The following TRPM6 variants were observed in gnomAD, a reference collection of about 807,000 sequenced individuals.
The protein encoded by TRPM6 is transient receptor potential cation channel subfamily M member 6.
In TRPM6, 111 loss-of-function variants were observed where a neutral mutation model predicts 247.6. The ratio of observed to expected loss-of-function variants is 0.45; its 90% confidence interval spans 0.38 to 0.52. TRPM6 has a LOEUF of 0.52. TRPM6 is among the 20% of genes least tolerant of loss of function. The pLI is 0.00. For synonymous variants in TRPM6, 892 were observed against 853.8 expected (o/e 1.04, Z -0.78); for missense variants, 2,126 against 2,421.5 (o/e 0.88, Z 2.56).
At position 74,796,794 on chromosome 9, in the gene TRPM6, T is replaced by C. The variant is rs767762941; in HGVS notation, c.2338A>G (p.Met780Val). The C allele has an allele frequency of 1.2e-6, 2 of 1,614,074 alleles. No individual in the cohort carries two copies. Among genetic ancestry groups the C allele is most frequent in the South Asian group, 1.1e-5 (1 of 91,086 alleles). Reference sequence around the variant, plus strand: ...GCGTTCTGGTCACTGTAATACCACATAAATTGGAAGTCCTGGGACTGGGGA... The same window carrying C: ...GCGTTCTGGTCACTGTAATACCACACAAATTGGAAGTCCTGGGACTGGGGA... ...HVPQSQDFQF[M>V]WYYSDQNASS... Residue 780 changes from methionine to valine, a missense_variant, in exon 18 of 39, where the codon ATG (methionine) becomes GTG (valine). Coordinates refer to ENST00000360774, the MANE Select transcript of TRPM6 (RefSeq NM_017662.5).
At chr9:74,738,641 C>G (rs751808111) in intron 35 of TRPM6, 29 bp from the exon 36 acceptor site, 23 of 1,600,136 alleles carry the variant, frequency 1.4e-5, no homozygotes, top group Non-Finnish European at 2.0e-5. Context: ...CCATTGATCC[C>G]CCACAATACA....
intron 25 of TRPM6, among the ~76,000 whole-genome samples, chr9:74,765,481 C>T (rs574019371): frequency 6.6e-6 from 1 of 152,110 alleles, no homozygotes; most frequent in East Asian, 1.9e-4. Context: ...CTTTTCTTCC[C>T]TTGTTTCATT....
intron 1 of TRPM6, among the ~76,000 whole-genome samples, chr9:74,859,879 A>G (rs2118370542): frequency 6.6e-6 from 1 of 152,278 alleles, no homozygotes; most frequent in East Asian, 1.9e-4. Context: ...TTCAAACTCC[A>G]CGTCAGTGCA....
At chr9:74,803,091 T>C (rs2119009924) in intron 15 of TRPM6, among the ~76,000 whole-genome samples, 1 of 152,338 alleles carries the variant, frequency 6.6e-6, no homozygotes, top group South Asian at 2.1e-4. Context: ...TTCCTCTATT[T>C]CTATAAATAA....
chr9:74,781,746 TA>T (rs1257100773), intron 23 of TRPM6, among the ~76,000 whole-genome samples: 1 of 152,150 alleles, frequency 6.6e-6, no homozygotes, highest in East Asian at 1.9e-4. Flanking sequence ...TATCCTTTCA[TA>T]ATTCGAACTT....
At chr9:74,806,961 C>T (rs976260416) in intron 14 of TRPM6, among the ~76,000 whole-genome samples, 1 of 152,242 alleles carries the variant, frequency 6.6e-6, no homozygotes, top group Admixed American at 6.5e-5. Context: ...CCACACTGGG[C>T]TGCACCAGCG....
At chr9:74,742,320 T>C (rs1013339031) in intron 33 of TRPM6, among the ~76,000 whole-genome samples, 8 of 152,268 alleles carry the variant, frequency 5.3e-5, no homozygotes, top group Non-Finnish European at 1.0e-4. Context: ...TGCAATATTA[T>C]TGCTTTCTTC....
At chr9:74,733,177 G>A (rs1490512045) in intron 36 of TRPM6, among the ~76,000 whole-genome samples, 1 of 151,336 alleles carries the variant, frequency 6.6e-6, no homozygotes, top group East Asian at 1.9e-4. Flanking sequence ...ATTCAAGCCT[G>A]GGCAACAGAG....
chr9:74,786,536 C>T (rs550280342), intron 20 of TRPM6, among the ~76,000 whole-genome samples: 6 of 151,558 alleles, frequency 4.0e-5, no homozygotes, highest in African/African-American at 7.3e-5. Context: ...GTCAGGAGAT[C>T]GAGATCATCC....
At position 74,860,255 on chromosome 9, in the gene TRPM6, A is replaced by G. The variant is rs551035543; in HGVS notation, c.34-1507T>C. Among the ~76,000 whole-genome samples the G allele has an allele frequency of 7.9e-5, 12 of 152,344 alleles. No individual in the cohort carries two copies. The South Asian group carries it at 2.5e-3, about 32-fold the overall frequency. ...GCATGCTCAGCAGCATTTTCTATGT[A>G]TTAAAAGACATTCACTAAATTGGCA... On this transcript the variant is annotated intron_variant, in intron 1 of 38. Transcript: ENST00000360774.
chr9:74,791,336 T>A (rs1434787698), intron 19 of TRPM6, among the ~76,000 whole-genome samples: 1 of 152,118 alleles, frequency 6.6e-6, no homozygotes, highest in South Asian at 2.1e-4. Flanking sequence ...TATTTGGAAA[T>A]ACAACACATT....
In TRPM6 at chr9:74,842,279, C is replaced by T; in HGVS notation, c.217G>A (p.Ala73Thr). 6.2e-7 allele frequency: 1 copy of T among 1,614,110 alleles called. No individual in the cohort carries two copies. The highest frequency in any genetic ancestry group is 8.5e-7 in the Non-Finnish European group (1 of 1,180,012). Residue 73 changes from alanine to threonine, a missense_variant, in exon 4 of 39, where the codon GCC becomes ACC. Physicochemically the swap from Ala to Thr is moderately conservative, Grantham distance 58. Coordinates refer to ENST00000360774, the MANE Select transcript of TRPM6 (RefSeq NM_017662.5). ...CATTGTTCACTTTCTTTACCCTTGG[C>T]AGCTGAGATGGTCCAGGAATAATCT... Reference protein sequence around the residue: ...GIDYSWTISAAKGKESEQWSV... With the variant: ...GIDYSWTISATKGKESEQWSV...
intron 3 of TRPM6, among the ~76,000 whole-genome samples, chr9:74,853,182 C>T (rs10869448): frequency 0.31 from 46,637 of 151,434 alleles, 8,383 homozygotes; most frequent in East Asian, 0.5. Context: ...GCCCGGCCGC[C>T]CCGTCTGAGA....
intron 27 of TRPM6, among the ~76,000 whole-genome samples, chr9:74,761,245 C>A (rs1375210387): frequency 6.6e-6 from 1 of 152,186 alleles, no homozygotes; most frequent in Non-Finnish European, 1.5e-5. Flanking sequence ...ATGACTCTGA[C>A]ATTCCGTTCC....
intron 7 of TRPM6, among the ~76,000 whole-genome samples, chr9:74,827,463 G>A (rs550507259): frequency 1.3e-5 from 2 of 152,216 alleles, no homozygotes; most frequent in East Asian, 2.0e-4. Flanking sequence ...CTTGACCATG[G>A]TGAACCCACA....
In TRPM6 at chr9:74,771,725, G is replaced by T. The variant is rs35904059; in HGVS notation, c.3514C>A (p.Arg1172=). 4,244 of 1,613,762 alleles carry T rather than the reference G, an allele frequency of 2.6e-3. 64 individuals are homozygous for T. In the African/African-American group the frequency reaches 0.043, roughly 16 times the overall value. ...MEDVNCSCEE[R]IRVTSERVTE... ...TACCTTTCTGATGTCACTCGGATTCGTTCCTCACAACTACAATTCACATCT... is the reference window on the plus strand; with the variant it reads ...TACCTTTCTGATGTCACTCGGATTCTTTCCTCACAACTACAATTCACATCT... The change falls in exon 25 of 39, where the codon CGA becomes AGA. Residue 1172 remains arginine, a synonymous_variant. Transcript: ENST00000360774.
intron 17 of TRPM6, among the ~76,000 whole-genome samples, chr9:74,797,665 TA>T (rs1480746523): frequency 6.6e-6 from 1 of 152,116 alleles, no homozygotes; most frequent in Non-Finnish European, 1.5e-5. Context: ...CCATTTTTGT[TA>T]AAAAATAAAA....
intron 37 of TRPM6, among the ~76,000 whole-genome samples, chr9:74,731,438 G>T (rs1216946689): frequency 6.6e-6 from 1 of 151,668 alleles, no homozygotes; most frequent in African/African-American, 2.4e-5. Flanking sequence ...GTGGTAACAC[G>T]GTCTCCACAG....
chr9:74,791,888 C>T (rs1827914421), intron 19 of TRPM6, among the ~76,000 whole-genome samples: 1 of 152,180 alleles, frequency 6.6e-6, no homozygotes, highest in African/African-American at 2.4e-5. Flanking sequence ...TCCTGAGTAG[C>T]TGGGACTACA....
Sources: allele counts gnomAD v4.1 joint callset (sites outside exome capture counted in the v4.1 genomes callset), GRCh38; gene constraint gnomAD v4.1.1; transcripts MANE v1.5; gene names NCBI Gene and HGNC (gene_info 2026-07-23, HGNC 2026-07-21).